Variants in GALNT17 observed in about 807,000 individuals in gnomAD.
The protein encoded by GALNT17 is polypeptide N-acetylgalactosaminyltransferase 17.
GALNT17 carries 29 observed loss-of-function variants against 63.7 expected under a neutral mutation model. The observed-to-expected ratio is 0.46, with a 90% confidence interval of 0.34 to 0.62. The LOEUF (loss-of-function observed/expected upper bound fraction) is 0.62. GALNT17 is among the 20% of genes least tolerant of loss of function. GALNT17 has a pLI of 0.01. For missense variants in GALNT17, 603 were observed against 799.6 expected (o/e 0.75, Z 2.97); for synonymous variants, 305 against 318.3 (o/e 0.96, Z 0.45).
chr7:71,439,163 A>T (rs1787021293), intron 5 of GALNT17, among the ~76,000 whole-genome samples: 3 of 152,148 alleles, frequency 2.0e-5, no homozygotes, highest in African/African-American at 7.2e-5. Flanking sequence ...TGCTGGGATT[A>T]CTTTGCCAGG....
At chr7:71,467,773 A>C (rs1425979663) in intron 5 of GALNT17, among the ~76,000 whole-genome samples, 2 of 151,702 alleles carry the variant, frequency 1.3e-5, no homozygotes, top group Admixed American at 1.3e-4. Flanking sequence ...GCAAAAAAAA[A>C]CAAACAAAAA....
chr7:71,610,324 C>G (rs957089194), intron 6 of GALNT17, among the ~76,000 whole-genome samples: 1 of 151,930 alleles, frequency 6.6e-6, no homozygotes. Context: ...GACTCTATCT[C>G]TTTAAAAAAT....
At chr7:71,168,400 C>T (rs964239232) in intron 1 of GALNT17, among the ~76,000 whole-genome samples, 9 of 151,946 alleles carry the variant, frequency 5.9e-5, no homozygotes, top group Non-Finnish European at 1.3e-4. Flanking sequence ...GGTGAAGCCC[C>T]GTCTCTACTA....
At chr7:71,567,204 C>T (rs1003600228) in intron 5 of GALNT17, among the ~76,000 whole-genome samples, 8 of 152,110 alleles carry the variant, frequency 5.3e-5, no homozygotes, top group African/African-American at 9.7e-5. Context: ...CTCTAAAAGG[C>T]GCCAAGAGCT....
intron 2 of GALNT17, among the ~76,000 whole-genome samples, chr7:71,376,583 CTGTG>C (rs1436945858): frequency 6.9e-6 from 1 of 145,436 alleles, no homozygotes; most frequent in Admixed American, 6.7e-5. Context: ...GTGTGTCTGT[CTGTG>C]TGTCTTTTCT....
chr7:71,220,478 A>G (rs918209261), intron 1 of GALNT17, among the ~76,000 whole-genome samples: 1 of 152,238 alleles, frequency 6.6e-6, no homozygotes, highest in South Asian at 2.1e-4. Flanking sequence ...AACACAGTGT[A>G]TGCGACTGAA....
At chr7:71,361,088 G>A (rs1471814444) in intron 2 of GALNT17, among the ~76,000 whole-genome samples, 1 of 152,052 alleles carries the variant, frequency 6.6e-6, no homozygotes, top group Non-Finnish European at 1.5e-5. Flanking sequence ...ATGACATCCT[G>A]GGGGCTCATT....
chr7:71,649,639 A>G (rs925350745), intron 6 of GALNT17, among the ~76,000 whole-genome samples: 3 of 152,076 alleles, frequency 2.0e-5, no homozygotes, highest in East Asian at 1.9e-4. Context: ...ACACACACAC[A>G]CACACATACA....
At chr7:71,191,808 A>G (rs1200421819) in intron 1 of GALNT17, among the ~76,000 whole-genome samples, 1 of 152,162 alleles carries the variant, frequency 6.6e-6, no homozygotes, top group African/African-American at 2.4e-5. Context: ...TGGAATTACT[A>G]TGTCATAGGA....
intron 5 of GALNT17, among the ~76,000 whole-genome samples, chr7:71,497,015 C>A (rs1271437878): frequency 2.0e-5 from 3 of 152,102 alleles, no homozygotes; most frequent in Admixed American, 2.0e-4. Flanking sequence ...GACTTTGAGG[C>A]TGCAGTGAGC....
At chr7:71,446,566 G>C (rs2116535037) in intron 5 of GALNT17, among the ~76,000 whole-genome samples, 1 of 152,182 alleles carries the variant, frequency 6.6e-6, no homozygotes, top group South Asian at 2.1e-4. Context: ...TATTTATTTT[G>C]AGGTGGAGTT....
At chr7:71,366,673 G>T (rs1318990884) in intron 2 of GALNT17, among the ~76,000 whole-genome samples, 1 of 152,134 alleles carries the variant, frequency 6.6e-6, no homozygotes, top group Non-Finnish European at 1.5e-5. Flanking sequence ...TTTCTTGTGT[G>T]TCCTTCTGCT....
chr7:71,340,198 G>T (rs1791984147), intron 2 of GALNT17, among the ~76,000 whole-genome samples: 3 of 152,212 alleles, frequency 2.0e-5, no homozygotes. Context: ...TAGCAGTTAT[G>T]TCCCCAGATC....
chr7:71,421,580 C>T (rs551170121), intron 5 of GALNT17, among the ~76,000 whole-genome samples: 2 of 152,042 alleles, frequency 1.3e-5, no homozygotes, highest in African/African-American at 2.4e-5. Flanking sequence ...TGGCTCTTGC[C>T]CCGGGTCCCA....
chr7:71,600,831 T>C (rs1218608448), intron 6 of GALNT17, among the ~76,000 whole-genome samples: 3 of 152,072 alleles, frequency 2.0e-5, no homozygotes, highest in Non-Finnish European at 4.4e-5. Context: ...AGTTCTTTAG[T>C]GGTGATTTGT....
intron 6 of GALNT17, among the ~76,000 whole-genome samples, chr7:71,617,771 T>A (rs1309481049): frequency 6.6e-6 from 1 of 152,092 alleles, no homozygotes; most frequent in African/African-American, 2.4e-5. Context: ...GCCTCCCGAA[T>A]AGGTGGGACT....
intron 1 of GALNT17, among the ~76,000 whole-genome samples, chr7:71,208,992 C>T (rs1344478724): frequency 6.6e-6 from 1 of 152,160 alleles, no homozygotes; most frequent in African/African-American, 2.4e-5. Context: ...GTATTTTCAG[C>T]TCTGTGGGCC....
intron 6 of GALNT17, among the ~76,000 whole-genome samples, chr7:71,631,032 A>T (rs1357533711): frequency 6.6e-6 from 1 of 152,180 alleles, no homozygotes; most frequent in Non-Finnish European, 1.5e-5. Context: ...AACAGAACAG[A>T]TACAATTCCT....
chr7:71,179,292 T>A (rs1788694499), intron 1 of GALNT17, among the ~76,000 whole-genome samples: 1 of 152,210 alleles, frequency 6.6e-6, no homozygotes, highest in Non-Finnish European at 1.5e-5. Flanking sequence ...GGTAGCCTCC[T>A]CCATGCTTTG....
Sources: allele counts gnomAD v4.1 joint callset (sites outside exome capture counted in the v4.1 genomes callset), GRCh38; gene constraint gnomAD v4.1.1; transcripts MANE v1.5; gene names NCBI Gene and HGNC (gene_info 2026-07-23, HGNC 2026-07-21).